Variants in GPR108 observed in about 807,000 individuals in gnomAD.
The protein encoded by GPR108 is protein GPR108.
GPR108 carries 60 observed loss-of-function variants against 74.3 expected under a neutral mutation model. The ratio of observed to expected loss-of-function variants is 0.81; its 90% confidence interval spans 0.66 to 1.00. The LOEUF is 1.00. Ranked by LOEUF, GPR108 falls within the 50% of genes least tolerant of loss-of-function variation. GPR108 has a pLI of 0.00. For synonymous variants in GPR108, 311 were observed against 292.4 expected (o/e 1.06, Z -0.65); for missense variants, 667 against 703.3 (o/e 0.95, Z 0.58).
chr19:6,734,878 T>C lies in GPR108; in HGVS notation c.375-571A>G, dbSNP rs560576682. On this transcript the variant is annotated intron_variant, in intron 4 of 17. Transcript: ENST00000264080. The stretch of plus-strand genomic sequence containing the variant: ...TTATTATTATTATTATTATTATTAT[T>C]ATTATTATTATTATTATTTTGAGAC... Among the ~76,000 whole-genome samples the C allele has an allele frequency of 5.3e-3, 698 of 132,634 alleles. 3 individuals carry two copies. Among genetic ancestry groups the C allele is most frequent in the African/African-American group, 0.022 (648 of 29,174 alleles). The allele number at this position is 132,634 out of a possible 152,430, so 87.0% of individuals were successfully genotyped here. A position where few individuals can be genotyped will look rare whatever the true frequency, so the allele number is the denominator to read the frequency against.
rs779906136 is a variant in GPR108 at position 6,733,660 on chromosome 19, G to A, written c.633C>T (p.Ile211=). ...NSYNFSFHVV[I]GSQAEEGQYS... ...ACTGGCCTTCTTCCGCCTGAGAGCC[G>A]ATCACCACGTGGAACTGGGCGGGCG... is the stretch of plus-strand genomic sequence containing the variant. The change falls in exon 8 of 18, where the codon ATC becomes ATT. Residue 211 remains isoleucine (I), a synonymous_variant. Transcript: ENST00000264080. The A allele has an allele frequency of 1.7e-5, 28 of 1,613,934 alleles. No homozygotes were observed. The Admixed American group carries it at 2.2e-4, about 12-fold the overall frequency.
chr19:6,732,578 A>G, intron 10 of GPR108, 29 bp from the exon 11 acceptor site: 1 of 1,516,914 alleles, frequency 6.6e-7, no homozygotes, highest in Non-Finnish European at 9.1e-7. Flanking sequence ...ACGGACAGTG[A>G]GGCGCACAGA....
chr19:6,731,206 AGCCACT>A lies in GPR108; in HGVS notation c.1421_1426del (p.Gln474_Trp475del). 1 of 1,583,170 alleles carries A rather than the reference AGCCACT, an allele frequency of 6.3e-7. No homozygotes were observed. The highest frequency in any genetic ancestry group is 8.6e-7 in the Non-Finnish European group (1 of 1,161,432). ...CCTGGGCCTCGGGCTCACCTGGTAC[AGCCACT>A]GCCACTGAAAGGGCACAGCCACCTG... On this transcript the variant is annotated inframe_deletion, in exon 16 of 18. Coordinates refer to ENST00000264080, the MANE Select transcript of GPR108 (RefSeq NM_001080452.2).
At chr19:6,737,184 C>G (rs960872735) in intron 1 of GPR108, 4 of 493,226 alleles carry the variant, frequency 8.1e-6, no homozygotes, top group Non-Finnish European at 7.2e-6. Flanking sequence ...AGGACTAAGA[C>G]CCAGTTGGGG....
intron 8 of GPR108, 81 bp downstream of exon 8, chr19:6,733,489 G>T: frequency 6.8e-7 from 1 of 1,467,846 alleles, no homozygotes; most frequent in Non-Finnish European, 9.5e-7. Flanking sequence ...GCTGGGAAAA[G>T]CTAAGCGGGG....
At chr19:6,730,417 T>G (rs1968343396) in intron 17 of GPR108, 33 bp from the exon 18 acceptor site, 4 of 1,590,892 alleles carry the variant, frequency 2.5e-6, no homozygotes, top group Non-Finnish European at 3.4e-6. Context: ...CGTCTAGCGT[T>G]GCAGGGCAGC....
At position 6,735,655 on chromosome 19, in the gene GPR108, A is replaced by G; in HGVS notation, c.341T>C (p.Leu114Pro). The G allele has an allele frequency of 6.2e-7, 1 of 1,614,134 alleles. No homozygotes were observed. The highest frequency in any genetic ancestry group is 1.1e-5 in the South Asian group (1 of 91,076). Residue 114 changes from leucine to proline, a missense_variant, in exon 4 of 18, where the codon CTG (leucine) becomes CCG (proline). Physicochemically the swap from Leu to Pro is moderately conservative, Grantham distance 98. Coordinates refer to ENST00000264080, the MANE Select transcript of GPR108 (RefSeq NM_001080452.2). ...CTTGGTGTTGATGAGGAACAGGACC[A>G]GGAAACTGCTACTGTTTTTCTGGAG... The part of the protein sequence containing the change: ...CPLQKNSSSF[L>P]VLFLINTKDL...
chr19:6,735,421 G>C (rs907681329), intron 4 of GPR108: 22 of 569,428 alleles, frequency 3.9e-5, no homozygotes, highest in Non-Finnish European at 6.6e-5. Context: ...CTGTATCCGG[G>C]TCTTCTGCCC....
chr19:6,730,172 T>A lies in GPR108; in HGVS notation c.*140A>T. On this transcript the variant is annotated 3_prime_UTR_variant, in exon 18 of 18. Transcript: ENST00000264080. ...AAGGGACTCTTCTTCCAAATGGGCT[T>A]GTCCGGGAACCGGGGTCCCGGGGAG... 1.3e-6 allele frequency: 1 copy of A among 763,632 alleles called. No homozygotes were observed. Among genetic ancestry groups the A allele is most frequent in the Non-Finnish European group, 2.3e-6 (1 of 439,624 alleles). 47.3% of individuals were successfully genotyped at this position (763,632 alleles called of 1,614,324 possible).
At chr19:6,736,440 A>G in intron 2 of GPR108, 152 bp downstream of exon 2, 1 of 814,800 alleles carries the variant, frequency 1.2e-6, no homozygotes, top group Non-Finnish European at 1.9e-6. Flanking sequence ...CATCCTGTGT[A>G]AGACATCATT....
At chr19:6,730,539 C>T (rs1433329568) in intron 17 of GPR108, 155 bp from the exon 18 acceptor site, 4 of 658,812 alleles carry the variant, frequency 6.1e-6, no homozygotes, top group African/African-American at 1.8e-5. Flanking sequence ...GCACCCACCT[C>T]GCTCCCACAG....
At chr19:6,730,698 G>GCCCCCCCCCCCC in intron 17 of GPR108, 2 of 539,842 alleles carry the variant, frequency 3.7e-6, no homozygotes, top group Admixed American at 3.1e-5. Context: ...AACTACCTAG[G>GCCCCCCCCCCCC]CCCCGCCCAC....
chr19:6,737,349 C>T, intron 1 of GPR108, 108 bp downstream of exon 1: 11 of 1,354,424 alleles, frequency 8.1e-6, no homozygotes, highest in East Asian at 2.9e-5. Context: ...CCGGACCACT[C>T]CACCGCCTCG....
chr19:6,733,809 G>A (rs776449758), intron 7 of GPR108, 36 bp downstream of exon 7: 12 of 1,611,540 alleles, frequency 7.4e-6, no homozygotes, highest in Non-Finnish European at 1.0e-5. Flanking sequence ...CGTGCTCTGG[G>A]GTGACGGAAG....
chr19:6,731,048 C>G lies in GPR108; in HGVS notation c.1498G>C (p.Gly500Arg). The change falls in exon 17 of 18, where the codon GGA (glycine) becomes CGA (arginine). Residue 500 changes from glycine to arginine, a missense_variant. Physicochemically the swap from Gly to Arg is moderately radical, Grantham distance 125 (BLOSUM62 -2). Transcript: ENST00000264080. ...GGCAGCTGCAGGTACGGGTTGTTTC[C>G]TGTGGGCTGGAACTTGTAGCCCGTG... ...VLTGYKFQPTGNNPYLQLPQE... is the reference protein window; with the variant it reads ...VLTGYKFQPTRNNPYLQLPQE... 6.2e-7 allele frequency: 1 copy of G among 1,613,760 alleles called. No homozygotes were observed. The highest frequency in any genetic ancestry group is 2.2e-5 in the East Asian group (1 of 44,854).
At chr19:6,733,434 C>T (rs990119923) in intron 8 of GPR108, 133 bp from the exon 9 acceptor site, 48 of 1,286,492 alleles carry the variant, frequency 3.7e-5, no homozygotes, top group Non-Finnish European at 4.7e-5. Context: ...CAGTTGGCCC[C>T]GTCTCTCAAA....
In GPR108 at chr19:6,733,150, C is replaced by T. The variant is rs1968490195; in HGVS notation, c.857+18G>A. On this transcript the variant is annotated intron_variant, in intron 9 of 17. Coordinates refer to ENST00000264080, the MANE Select transcript of GPR108 (RefSeq NM_001080452.2). ...CTGGTGAAGGGACGTGGGGGACCCT[C>T]AGGGGCAGGGGCATTACGTGTTCCT... The T allele has an allele frequency of 6.2e-7, 1 of 1,613,722 alleles. No homozygotes were observed. Among genetic ancestry groups the T allele is most frequent in the African/African-American group, 1.3e-5 (1 of 74,892 alleles).
Position 6,733,916 on chromosome 19 carries a change from G to A in GPR108, c.550-3C>T. 1 of 1,614,202 alleles carries A rather than the reference G, an allele frequency of 6.2e-7. No individual in the cohort carries two copies. Among genetic ancestry groups the A allele is most frequent in the South Asian group, 1.1e-5 (1 of 91,088 alleles). On this transcript the variant is annotated splice_polypyrimidine_tract_variant and splice_region_variant and intron_variant, in intron 6 of 17. Transcript: ENST00000264080. ...TCCTTGTCCTTCCCACTAGGACCCT[G>A]AAGGGACAGAGCCCCTCCATCAGCT...
intron 8 of GPR108, 88 bp from the exon 9 acceptor site, chr19:6,733,389 C>T (rs1968502425): frequency 7.0e-7 from 1 of 1,426,652 alleles, no homozygotes; most frequent in East Asian, 2.4e-5. Context: ...CCAGCTCTCT[C>T]ACTTTCTACT....
Sources: allele counts gnomAD v4.1 joint callset (sites outside exome capture counted in the v4.1 genomes callset), GRCh38; gene constraint gnomAD v4.1.1; transcripts MANE v1.5; gene names NCBI Gene and HGNC (gene_info 2026-07-23, HGNC 2026-07-21).